Variants in EYS observed in about 807,000 individuals in gnomAD.
EYS encodes protein eyes shut homolog.
In EYS, 250 loss-of-function variants were observed where a neutral mutation model predicts 282.1. The observed-to-expected ratio is 0.89, with a 90% CI of 0.80 to 0.98. The LOEUF (loss-of-function observed/expected upper bound fraction) is 0.98, where lower values mean the gene tolerates loss of function less well. Ranked by LOEUF, EYS falls within the 50% of genes least tolerant of loss-of-function variation. EYS has a pLI of 0.00. For missense variants in EYS, 4,016 were observed against 3,709.0 expected, an observed-to-expected ratio of 1.08 and a Z score of -2.15; for synonymous variants, 1,355 against 1,282.9, an observed-to-expected ratio of 1.06 and a Z score of -1.20.
intron 28 of EYS, among the ~76,000 whole-genome samples, chr6:64,402,765 G>A (rs547894206): frequency 1.3e-5 from 2 of 152,210 alleles, no homozygotes; most frequent in East Asian, 3.9e-4. Context: ...AGATTATTCT[G>A]GTTGATTTTT....
At position 65,690,651 on chromosome 6, in the gene EYS, G is replaced by A. The variant is rs150055510; in HGVS notation, c.-448+16484C>T. Among the ~76,000 whole-genome samples, 781 of 149,098 alleles carry A rather than the reference G, an allele frequency of 5.2e-3. 25 individuals carry two copies. The highest frequency in any genetic ancestry group is 0.018 in the African/African-American group (732 of 41,066). ...TCAGGAGCATTTCATCTTTTATTCC[G>A]TAGCAATAGTTTCACGGGGTCTGCC... is the stretch of plus-strand genomic sequence containing the variant. On this transcript the variant is annotated intron_variant, in intron 1 of 42. Coordinates refer to ENST00000503581, the MANE Select transcript of EYS (RefSeq NM_001142800.2).
chr6:63,832,315 G>A (rs1022656301), intron 36 of EYS, among the ~76,000 whole-genome samples: 14 of 151,974 alleles, frequency 9.2e-5, no homozygotes, highest in East Asian at 3.9e-4. Context: ...TTGATAGACC[G>A]CTAGCAAGAC....
chr6:64,345,182 A>C (rs1459321638), intron 29 of EYS, among the ~76,000 whole-genome samples: 1 of 152,190 alleles, frequency 6.6e-6, no homozygotes, highest in Non-Finnish European at 1.5e-5. Flanking sequence ...CTTTCTTCAC[A>C]GAATTGGAAA....
At chr6:64,680,159 T>C (rs539544697) in intron 22 of EYS, among the ~76,000 whole-genome samples, 1 of 152,256 alleles carries the variant, frequency 6.6e-6, no homozygotes, top group East Asian at 1.9e-4. Flanking sequence ...AAAGACTATT[T>C]GTATGCCAAA....
intron 19 of EYS, among the ~76,000 whole-genome samples, chr6:64,831,348 C>T (rs1198220982): frequency 1.3e-5 from 2 of 151,904 alleles, no homozygotes. Flanking sequence ...ATTAAACCAG[C>T]ATAGATTTAG....
chr6:64,566,622 C>T (rs959099010), intron 26 of EYS, among the ~76,000 whole-genome samples: 14 of 152,062 alleles, frequency 9.2e-5, no homozygotes, highest in Admixed American at 3.9e-4. Flanking sequence ...GCTATTTACA[C>T]ATATTTTATG....
chr6:65,343,515 T>C (rs79858744), intron 10 of EYS, among the ~76,000 whole-genome samples: 1,551 of 151,364 alleles, frequency 0.01, 28 homozygotes, highest in African/African-American at 0.036. Context: ...AAGACAGTGG[T>C]GAGGGGATAA....
At chr6:65,409,534 C>A (rs1371913264) in intron 5 of EYS, among the ~76,000 whole-genome samples, 1 of 152,118 alleles carries the variant, frequency 6.6e-6, no homozygotes, top group African/African-American at 2.4e-5. Context: ...AGGCTTTGGA[C>A]AATTGATACA....
At chr6:64,139,736 C>T (rs957391433) in intron 31 of EYS, among the ~76,000 whole-genome samples, 8 of 151,764 alleles carry the variant, frequency 5.3e-5, no homozygotes, top group Non-Finnish European at 1.0e-4. Context: ...TTTGGGAGGC[C>T]GAGGTGGAAG....
intron 5 of EYS, among the ~76,000 whole-genome samples, chr6:65,484,236 G>C (rs1208399683): frequency 6.6e-6 from 1 of 152,034 alleles, no homozygotes; most frequent in Admixed American, 6.6e-5. Context: ...GTAGAAGACA[G>C]AATATTGCTG....
At chr6:65,517,368 A>C (rs1447694237) in intron 2 of EYS, among the ~76,000 whole-genome samples, 1 of 151,006 alleles carries the variant, frequency 6.6e-6, no homozygotes, top group African/African-American at 2.4e-5. Flanking sequence ...CTCAAACCTT[A>C]AACCAGTTTC....
chr6:64,515,110 A>G (rs533915215), intron 26 of EYS, among the ~76,000 whole-genome samples: 194 of 151,884 alleles, frequency 1.3e-3, no homozygotes, highest in Non-Finnish European at 2.2e-3. Context: ...TGTACCTTGA[A>G]AATAAAATTT....
At chr6:63,813,429 T>C (rs533294372) in intron 36 of EYS, among the ~76,000 whole-genome samples, 8 of 152,332 alleles carry the variant, frequency 5.3e-5, no homozygotes, top group Admixed American at 1.3e-4. Flanking sequence ...CTTGGGACAA[T>C]TGATAGTTTT....
chr6:63,941,264 C>T (rs931472435), intron 35 of EYS, among the ~76,000 whole-genome samples: 2 of 152,224 alleles, frequency 1.3e-5, no homozygotes, highest in African/African-American at 4.8e-5. Flanking sequence ...ACCACACTGA[C>T]TTCCACAATG....
At position 64,593,297 on chromosome 6, in the gene EYS, C is replaced by T. The variant is rs1240042641; in HGVS notation, c.3697G>A (p.Gly1233Arg). 6 of 1,549,004 alleles carry T rather than the reference C, an allele frequency of 3.9e-6. No individual in the cohort carries two copies. The highest frequency in any genetic ancestry group is 3.9e-5 in the Admixed American group (2 of 50,688). ...CTTATTTCATCACCACAAAGAAGCC[C>T]AATGGAGCAGGTCTGCAAATGACAA... ...CTPGFMTCSI[G>R]LLCGDEIRRI... Residue 1233 changes from glycine (G) to arginine (R), a missense_variant, in exon 25 of 43, where the codon GGG becomes AGG. Transcript: ENST00000503581.
intron 26 of EYS, among the ~76,000 whole-genome samples, chr6:64,506,908 T>TAAAAAA (rs530521158): frequency 6.1e-5 from 6 of 97,824 alleles, no homozygotes; most frequent in East Asian, 6.6e-4. Context: ...GGCTGTGTCT[T>TAAAAAA]AAAAAAAAAA....
intron 5 of EYS, among the ~76,000 whole-genome samples, chr6:65,459,211 G>A (rs1764731664): frequency 6.6e-6 from 1 of 152,046 alleles, no homozygotes; most frequent in Non-Finnish European, 1.5e-5. Flanking sequence ...AGCTGTAACA[G>A]TATATGAAAG....
At chr6:65,574,481 T>C (rs987395783) in intron 2 of EYS, among the ~76,000 whole-genome samples, 2 of 152,152 alleles carry the variant, frequency 1.3e-5, no homozygotes, top group African/African-American at 4.8e-5. Flanking sequence ...TAGCTAGCTA[T>C]GCGTGTATCA....
chr6:63,735,616 A>T (rs1275088403), intron 41 of EYS, among the ~76,000 whole-genome samples: 1 of 152,074 alleles, frequency 6.6e-6, no homozygotes, highest in Admixed American at 6.6e-5. Context: ...CCCGTAAACA[A>T]GGATATTTTC....
Sources: allele counts gnomAD v4.1 joint callset (sites outside exome capture counted in the v4.1 genomes callset), GRCh38; gene constraint gnomAD v4.1.1; transcripts MANE v1.5; gene names NCBI Gene and HGNC (gene_info 2026-07-23, HGNC 2026-07-21).